Variants in THRB observed in about 807,000 individuals in gnomAD.
THRB encodes nuclear receptor subfamily 1 group A member 2.
A neutral mutation model predicts 47.8 loss-of-function variants in THRB; 12 were observed. The ratio of observed to expected loss-of-function variants is 0.25; its 90% CI spans 0.16 to 0.41. The LOEUF (loss-of-function observed/expected upper bound fraction) is 0.41, where lower values mean the gene tolerates loss of function less well. Ranked by LOEUF, THRB falls within the 10% of genes least tolerant of loss-of-function variation. The pLI, the probability that THRB is intolerant of heterozygous loss-of-function variation, is 1.00. For synonymous variants in THRB, 218 were observed against 212.2 expected, an observed-to-expected ratio of 1.03 and a Z score of -0.24; for missense variants, 348 against 589.2, an observed-to-expected ratio of 0.59 and a Z score of 4.24.
chr3:24,195,709 C>T (rs1470318844), intron 4 of THRB, among the ~76,000 whole-genome samples: 3 of 152,216 alleles, frequency 2.0e-5, no homozygotes, highest in African/African-American at 7.2e-5. Flanking sequence ...TGGCTCTGCC[C>T]CCTTCTCTCT....
At chr3:24,188,033 C>T (rs2042825397) in intron 5 of THRB, among the ~76,000 whole-genome samples, 1 of 152,098 alleles carries the variant, frequency 6.6e-6, no homozygotes, top group South Asian at 2.1e-4. Context: ...TGAGGAAGGA[C>T]TTTAATAATT....
At chr3:24,188,771 CACAT>C (rs1338835614) in intron 5 of THRB, among the ~76,000 whole-genome samples, 7 of 150,224 alleles carry the variant, frequency 4.7e-5, no homozygotes, top group African/African-American at 1.7e-4. Context: ...CACACACACA[CACAT>C]ACGTCCTACA....
chr3:24,159,556 G>T (rs570570615), intron 5 of THRB, among the ~76,000 whole-genome samples: 1 of 152,304 alleles, frequency 6.6e-6, no homozygotes, highest in East Asian at 1.9e-4. Context: ...ATTTGGAAAT[G>T]GAGGAGGGAT....
intron 1 of THRB, among the ~76,000 whole-genome samples, chr3:24,468,503 T>A (rs980104701): frequency 6.6e-6 from 1 of 152,218 alleles, no homozygotes; most frequent in African/African-American, 2.4e-5. Context: ...AACTCTTCTT[T>A]TCACTTGAAC....
intron 1 of THRB, among the ~76,000 whole-genome samples, chr3:24,483,016 T>C (rs1696712523): frequency 6.6e-6 from 1 of 152,202 alleles, no homozygotes; most frequent in Non-Finnish European, 1.5e-5. Flanking sequence ...TAGTCTTATT[T>C]CTTAATAATC....
chr3:24,287,618 A>G (rs2055452762), intron 3 of THRB, among the ~76,000 whole-genome samples: 1 of 152,220 alleles, frequency 6.6e-6, no homozygotes, highest in Non-Finnish European at 1.5e-5. Flanking sequence ...CTAACTTTCA[A>G]CAGGAGCGTT....
At chr3:24,467,300 G>A (rs565447164) in intron 1 of THRB, among the ~76,000 whole-genome samples, 1 of 152,212 alleles carries the variant, frequency 6.6e-6, no homozygotes, top group African/African-American at 2.4e-5. Context: ...TTCCTCTAAA[G>A]TTCTCGAAGT....
At chr3:24,265,530 AT>A (rs922902605) in intron 3 of THRB, among the ~76,000 whole-genome samples, 8 of 152,190 alleles carry the variant, frequency 5.3e-5, no homozygotes, top group African/African-American at 1.9e-4. Flanking sequence ...ATTTCTCTTT[AT>A]CTACTTATAT....
chr3:24,238,467 A>G (rs2049145792), intron 3 of THRB, among the ~76,000 whole-genome samples: 1 of 152,186 alleles, frequency 6.6e-6, no homozygotes, highest in Admixed American at 6.5e-5. Context: ...ATGTGAAAAT[A>G]AAACATTAAG....
chr3:24,407,048 C>T (rs2067883316), intron 1 of THRB, among the ~76,000 whole-genome samples: 1 of 151,858 alleles, frequency 6.6e-6, no homozygotes, highest in African/African-American at 2.4e-5. Context: ...ACTTCTGGGG[C>T]ATGGCCACTT....
chr3:24,303,216 C>T (rs894125404), intron 2 of THRB, among the ~76,000 whole-genome samples: 1 of 152,120 alleles, frequency 6.6e-6, no homozygotes, highest in Non-Finnish European at 1.5e-5. Context: ...GAGACTCCTC[C>T]CTGTGTCTAG....
At chr3:24,413,909 G>T (rs1246046801) in intron 1 of THRB, among the ~76,000 whole-genome samples, 1 of 151,768 alleles carries the variant, frequency 6.6e-6, no homozygotes, top group East Asian at 1.9e-4. Flanking sequence ...GCAAACTATC[G>T]CAAGGACAGA....
chr3:24,480,357 C>T (rs1696180663), intron 1 of THRB, among the ~76,000 whole-genome samples: 2 of 152,198 alleles, frequency 1.3e-5, no homozygotes, highest in African/African-American at 2.4e-5. Context: ...TTTTCCATCC[C>T]CAAAGTCCCA....
chr3:24,190,376 G>A lies in THRB; in HGVS notation c.23-42C>T, dbSNP rs150906531. 1.0e-4 allele frequency: 169 copies of A among 1,613,654 alleles called. No individual in the cohort carries two copies. The East Asian group carries it at 3.5e-3, about 33-fold the overall frequency. ...CACGAGATGACGAGCTGTTGGCATT[G>A]TCAAGATTTTGCTGAGATGCAGAGT... On this transcript the variant is annotated intron_variant, in intron 4 of 10. Transcript: ENST00000646209.
chr3:24,478,941 G>A (rs944941016), intron 1 of THRB, among the ~76,000 whole-genome samples: 3 of 152,160 alleles, frequency 2.0e-5, no homozygotes, highest in Non-Finnish European at 4.4e-5. Flanking sequence ...CATAACTGTG[G>A]CAGGGGATAG....
chr3:24,177,297 T>G (rs1051555759), intron 5 of THRB, among the ~76,000 whole-genome samples: 1 of 152,198 alleles, frequency 6.6e-6, no homozygotes, highest in Non-Finnish European at 1.5e-5. Flanking sequence ...GCCAATAGAA[T>G]TTTCATCATC....
At chr3:24,130,344 GT>G (rs2033653462) in intron 9 of THRB, among the ~76,000 whole-genome samples, 1 of 152,166 alleles carries the variant, frequency 6.6e-6, no homozygotes, top group Non-Finnish European at 1.5e-5. Flanking sequence ...TGCGCAGTGT[GT>G]TTGCTCCTGG....
intron 1 of THRB, chr3:24,455,103 T>A (rs891140059): frequency 8.2e-6 from 1 of 121,522 alleles, no homozygotes; most frequent in Non-Finnish European, 1.7e-5. Context: ...GAATAAGGAC[T>A]TACTTTTTTT....
intron 9 of THRB, among the ~76,000 whole-genome samples, chr3:24,130,448 CAG>C (rs1472497138): frequency 6.6e-6 from 1 of 152,098 alleles, no homozygotes; most frequent in Non-Finnish European, 1.5e-5. Flanking sequence ...AAAACCATCT[CAG>C]GGGCTGGGGG....
Sources: allele counts gnomAD v4.1 joint callset (sites outside exome capture counted in the v4.1 genomes callset), GRCh38; gene constraint gnomAD v4.1.1; transcripts MANE v1.5; gene names NCBI Gene and HGNC (gene_info 2026-07-23, HGNC 2026-07-21).